The following FGF2 variants were observed in gnomAD, a reference collection of about 807,000 sequenced individuals.
The protein encoded by FGF2 is basic fibroblast growth factor bFGF.
In FGF2, 13 loss-of-function variants were observed where a neutral mutation model predicts 15.9. That is an observed-to-expected ratio of 0.82 (90% CI 0.53 to 1.30). The LOEUF is 1.30. FGF2 is among the 50% of genes most tolerant of loss of function. The pLI, the probability that FGF2 is intolerant of heterozygous loss-of-function variation, is 0.00. For missense variants in FGF2, 163 were observed against 196.9 expected (o/e 0.83, Z 1.03); for synonymous variants, 90 against 78.4 (o/e 1.15, Z -0.78).
intron 1 of FGF2, chr4:122,840,509 C>G (rs985676049): frequency 6.6e-6 from 1 of 152,506 alleles, no homozygotes; most frequent in African/African-American, 2.4e-5. Context: ...GTTTCCAAAG[C>G]GAGTGTCTTT....
intron 2 of FGF2, among the ~76,000 whole-genome samples, chr4:122,879,941 C>T (rs1354048587): frequency 6.6e-6 from 1 of 152,182 alleles, no homozygotes; most frequent in African/African-American, 2.4e-5. Flanking sequence ...TATCATTCCA[C>T]CCCTGGCCCC....
intron 1 of FGF2, among the ~76,000 whole-genome samples, chr4:122,847,390 C>T (rs774051523): frequency 4.6e-5 from 7 of 152,090 alleles, no homozygotes; most frequent in Non-Finnish European, 1.0e-4. Context: ...ACAGGTGTAT[C>T]TTGGACTGAC....
At chr4:122,878,539 C>T (rs1296031805) in intron 2 of FGF2, among the ~76,000 whole-genome samples, 1 of 152,112 alleles carries the variant, frequency 6.6e-6, no homozygotes, top group Non-Finnish European at 1.5e-5. Context: ...TCTGCTGAAT[C>T]TGTTGAAGGG....
At chr4:122,851,875 G>C (rs1726239151) in intron 1 of FGF2, among the ~76,000 whole-genome samples, 1 of 151,982 alleles carries the variant, frequency 6.6e-6, no homozygotes, top group African/African-American at 2.4e-5. Flanking sequence ...CTATGCTCTT[G>C]GGTAAGTTAA....
chr4:122,831,038 C>G (rs1317592874), intron 1 of FGF2, among the ~76,000 whole-genome samples: 1 of 152,106 alleles, frequency 6.6e-6, no homozygotes, highest in Non-Finnish European at 1.5e-5. Flanking sequence ...GTGTTCCATG[C>G]AACCCCAAGC....
rs1434081446 is a variant in FGF2 at position 122,895,066 on chromosome 4, G to A, written c.*2670G>A. 6.6e-6 allele frequency: 1 copy of A among 152,104 alleles called. No individual in the cohort carries two copies. Among genetic ancestry groups the A allele is most frequent in the Non-Finnish European group, 1.5e-5 (1 of 68,008 alleles). 9.4% of individuals were successfully genotyped at this position (152,104 alleles called of 1,614,324 possible). A position where few individuals can be genotyped will look rare whatever the true frequency, so the allele number is the denominator to read the frequency against. On this transcript the variant is annotated 3_prime_UTR_variant, in exon 3 of 3. Transcript: ENST00000644866. ...TGAGTAGTTTTGATCAGTTTAACTT[G>A]AATCACTAACTGACTGAAAATTGAA...
intron 1 of FGF2, among the ~76,000 whole-genome samples, chr4:122,842,925 G>GA (rs1262436369): frequency 1.3e-5 from 2 of 152,006 alleles, no homozygotes; most frequent in Non-Finnish European, 2.9e-5. Flanking sequence ...TATTACTTGG[G>GA]ATCAAACACA....
chr4:122,876,090 C>T (rs759701820), intron 1 of FGF2, among the ~76,000 whole-genome samples: 6 of 152,074 alleles, frequency 3.9e-5, no homozygotes, highest in African/African-American at 1.2e-4. Flanking sequence ...GACACAGGAG[C>T]GACAAGGAAC....
At position 122,893,330 on chromosome 4, in the gene FGF2, T is replaced by A; in HGVS notation, c.*934T>A. 9.2e-7 allele frequency: 1 copy of A among 1,087,430 alleles called. No individual in the cohort carries two copies. The highest frequency in any genetic ancestry group is 1.3e-6 in the Non-Finnish European group (1 of 787,468). The allele number at this position is 1,087,430 out of a possible 1,614,324, so 67.4% of individuals were successfully genotyped here. On this transcript the variant is annotated 3_prime_UTR_variant, in exon 3 of 3. Coordinates refer to ENST00000644866, the MANE Select transcript of FGF2 (RefSeq NM_001361665.2). ...AGCATTATGTAAAGGCTCAAAACAT[T>A]ACCCTAACAAAGTAAAGTTTTCAAT... is the stretch of plus-strand genomic sequence containing the variant.
intron 2 of FGF2, chr4:122,890,091 A>G (rs1341464098): frequency 6.6e-6 from 1 of 152,186 alleles, no homozygotes; most frequent in African/African-American, 2.4e-5. Flanking sequence ...TAAACCTGGA[A>G]TAGAGAAAAG....
At chr4:122,837,999 G>C (rs925631011) in intron 1 of FGF2, among the ~76,000 whole-genome samples, 1 of 152,086 alleles carries the variant, frequency 6.6e-6, no homozygotes, top group Admixed American at 6.6e-5. Context: ...ACATTACTCT[G>C]AACTCAGTAA....
intron 1 of FGF2, among the ~76,000 whole-genome samples, chr4:122,869,085 G>A (rs1726669998): frequency 6.6e-6 from 1 of 152,246 alleles, no homozygotes; most frequent in East Asian, 1.9e-4. Flanking sequence ...TCTGCTGATA[G>A]TTTATTTTGC....
intron 1 of FGF2, among the ~76,000 whole-genome samples, chr4:122,834,040 T>G (rs902188991): frequency 2.0e-5 from 3 of 152,192 alleles, no homozygotes; most frequent in African/African-American, 7.2e-5. Flanking sequence ...AAGATTAGGC[T>G]CACAGACACT....
At chr4:122,885,583 T>C (rs574142434) in intron 2 of FGF2, among the ~76,000 whole-genome samples, 2 of 152,306 alleles carry the variant, frequency 1.3e-5, no homozygotes, top group Admixed American at 6.5e-5. Flanking sequence ...AGAAAAGTTA[T>C]AAAGATGACA....
Position 122,826,895 on chromosome 4 carries a change from G to A in FGF2, c.-280G>A, listed in dbSNP as rs1725642508. Reference sequence around the variant, plus strand: ...TCCCGGGCGCTGCAGCTTGGGAGGCGGCTCTCCCCAGGCGGCGTCCGCGGA... The same window carrying A: ...TCCCGGGCGCTGCAGCTTGGGAGGCAGCTCTCCCCAGGCGGCGTCCGCGGA... On this transcript the variant is annotated 5_prime_UTR_variant, in exon 1 of 3. Transcript: ENST00000644866. 20 of 1,521,768 alleles carry A rather than the reference G, an allele frequency of 1.3e-5. No homozygotes were observed. Among genetic ancestry groups the A allele is most frequent in the Non-Finnish European group, 1.7e-5 (19 of 1,138,244 alleles). 94.3% of individuals were successfully genotyped at this position (1,521,768 alleles called of 1,614,324 possible). A position where few individuals can be genotyped will look rare whatever the true frequency, so the allele number is the denominator to read the frequency against.
rs551252884 is a variant in FGF2 at position 122,881,055 on chromosome 4, A to G, written c.282+4631A>G. 1.2e-4 allele frequency among the ~76,000 whole-genome samples: 18 copies of G among 152,322 alleles called. 2 individuals carry two copies. The highest frequency in any genetic ancestry group is 1.0e-3 in the South Asian group (5 of 4,822). On this transcript the variant is annotated intron_variant, in intron 2 of 2. Coordinates refer to ENST00000644866, the MANE Select transcript of FGF2 (RefSeq NM_001361665.2). Reference sequence around the variant, plus strand: ...TGATGCTTGCACCCTCTGAAGCAACAGCCTGAGCTGTACCTTGGCCCCTTT... The same window carrying G: ...TGATGCTTGCACCCTCTGAAGCAACGGCCTGAGCTGTACCTTGGCCCCTTT...
chr4:122,836,183 G>T (rs1169154006), intron 1 of FGF2, among the ~76,000 whole-genome samples: 1 of 152,198 alleles, frequency 6.6e-6, no homozygotes, highest in East Asian at 1.9e-4. Context: ...GCAAGCACTG[G>T]ATCCCATTTG....
chr4:122,872,024 G>A (rs1284425746), intron 1 of FGF2, among the ~76,000 whole-genome samples: 1 of 152,122 alleles, frequency 6.6e-6, no homozygotes, highest in African/African-American at 2.4e-5. Context: ...AGGATCAGAT[G>A]GACGAATTGA....
intron 1 of FGF2, among the ~76,000 whole-genome samples, chr4:122,840,177 G>A (rs1725949176): frequency 6.6e-6 from 1 of 152,094 alleles, no homozygotes; most frequent in Non-Finnish European, 1.5e-5. Flanking sequence ...CATGAGTTCG[G>A]GGAACACAAT....
Sources: gnomAD v4.1 joint callset for allele counts (sites outside exome capture counted in the v4.1 genomes callset) on GRCh38, gnomAD v4.1.1 for gene constraint, MANE v1.5 for transcripts, NCBI Gene and HGNC (gene_info 2026-07-23, HGNC 2026-07-21) for gene names.